ALDH3A1: variants seen among roughly 807,000 people sequenced by gnomAD.
ALDH3A1 encodes the protein aldehyde dehydrogenase, dimeric NADP-preferring.
A neutral mutation model predicts 49.9 loss-of-function variants in ALDH3A1; 46 were observed. The ratio of observed to expected loss-of-function variants is 0.92; its 90% confidence interval spans 0.73 to 1.18. The LOEUF (loss-of-function observed/expected upper bound fraction) is 1.18. ALDH3A1 is among the 50% of genes most tolerant of loss of function. The probability of loss-of-function intolerance (pLI) is 0.00; values close to 1 mark genes in which losing one functional copy is unlikely to be tolerated. For missense variants in ALDH3A1, 592 were observed against 611.8 expected, an observed-to-expected ratio of 0.97 and a Z score of 0.34; for synonymous variants, 269 against 253.3, an observed-to-expected ratio of 1.06 and a Z score of -0.59.
rs200102864 is a variant in ALDH3A1, at chr17:19,739,587, C to A, written c.1037G>T (p.Arg346Leu). ...FGPVLPIVCV[R>L]SLEEAIQFIN... ...GAACTGGATGGCCTCCTCCAGGCTG[C>A]GCACGCACACGATGGGCAGCACAGG... Residue 346 changes from arginine to leucine, a missense_variant, in exon 8 of 11, where the codon CGC becomes CTC. Coordinates refer to ENST00000225740, the MANE Select transcript of ALDH3A1 (RefSeq NM_000691.5). 5 of 1,613,652 alleles carry A rather than the reference C, an allele frequency of 3.1e-6. No homozygotes were observed. Among genetic ancestry groups the A allele is most frequent in the Non-Finnish European group, 4.2e-6 (5 of 1,179,924 alleles).
In ALDH3A1 at chr17:19,739,657, C is replaced by T. The variant is rs772923402; in HGVS notation, c.967G>A (p.Asp323Asn). Residue 323 changes from aspartate to asparagine, a missense_variant, in exon 8 of 11, where the codon GAC (aspartate) becomes AAC (asparagine). Physicochemically the swap from Asp to Asn is conservative, Grantham distance 23. Coordinates refer to ENST00000225740, the MANE Select transcript of ALDH3A1 (RefSeq NM_000691.5). ...ATCACCGGGGACTGGGGGTCCACGT[C>T]CGTGAGGATGGTGGGGGCTGAGGCA... ...TRYIAPTILTDVDPQSPVMQE... is the reference protein window; with the variant it reads ...TRYIAPTILTNVDPQSPVMQE... 1 of 1,613,768 alleles carries T rather than the reference C, an allele frequency of 6.2e-7. No homozygotes were observed. The highest frequency in any genetic ancestry group is 1.1e-5 in the South Asian group (1 of 91,008).
rs2086429156 is a variant in ALDH3A1 at position 19,738,470 on chromosome 17, A to C, written c.1217-17T>G. The C allele has an allele frequency of 6.2e-7, 1 of 1,602,510 alleles. No homozygotes were observed. Among genetic ancestry groups the C allele is most frequent in the Admixed American group, 1.7e-5 (1 of 59,846 alleles). ...CGCTGTTCCCTGCGGAGGAGAAGTA[A>C]GCACAGGGCTCAGCATCCTGCCCCC... On this transcript the variant is annotated splice_polypyrimidine_tract_variant and intron_variant, in intron 9 of 10. Transcript: ENST00000225740.
Position 19,743,080 on chromosome 17 carries a change from C to T in ALDH3A1, c.394+152G>A, listed in dbSNP as rs1482354210. The T allele has an allele frequency of 6.5e-7, 1 of 1,534,802 alleles. No homozygotes were observed. The highest frequency in any genetic ancestry group is 2.4e-5 in the East Asian group (1 of 40,878). On this transcript the variant is annotated intron_variant, in intron 3 of 10. Transcript: ENST00000225740. The surrounding 1 kb of genome is among the most constrained non-coding windows in gnomAD (Gnocchi z 4.4). ...GGACCTCAGGCACCAAGAGGCCTGGCTAAACAGCTTGGTCCCCACAGCCTC... is the reference window on the plus strand; with the variant it reads ...GGACCTCAGGCACCAAGAGGCCTGGTTAAACAGCTTGGTCCCCACAGCCTC...
intron 4 of ALDH3A1, 42 bp from the exon 5 acceptor site, chr17:19,742,254 C>G: frequency 6.3e-7 from 1 of 1,593,402 alleles, no homozygotes; most frequent in East Asian, 2.2e-5. Flanking sequence ...AAAGACCAAG[C>G]CCCTCCTCGC....
chr17:19,746,686 T>C (rs942374041), intron 1 of ALDH3A1, among the ~76,000 whole-genome samples: 55 of 139,942 alleles, frequency 3.9e-4, no homozygotes, highest in Non-Finnish European at 6.9e-4. Flanking sequence ...TGCATGTGCG[T>C]GTGTGTGTGC....
rs1008061322 is a variant in ALDH3A1, at chr17:19,744,747, G to C, written c.162+221C>G. 32 of 1,360,474 alleles carry C rather than the reference G, an allele frequency of 2.4e-5. No individual in the cohort carries two copies. In the African/African-American group the frequency reaches 4.9e-4, roughly 21 times the overall value. The allele number at this position is 1,360,474 out of a possible 1,614,324, so 84.3% of individuals were successfully genotyped here. Reference sequence around the variant, plus strand: ...TGGGGGACGCTGCGGGCGGGACGCGGAGGCCGGGCCAGGAGGAAAAGGCCA... The same window carrying C: ...TGGGGGACGCTGCGGGCGGGACGCGCAGGCCGGGCCAGGAGGAAAAGGCCA... On this transcript the variant is annotated intron_variant, in intron 2 of 10. Coordinates refer to ENST00000225740, the MANE Select transcript of ALDH3A1 (RefSeq NM_000691.5).
chr17:19,739,452 C>A, intron 8 of ALDH3A1, 56 bp downstream of exon 8: 1 of 1,561,062 alleles, frequency 6.4e-7, no homozygotes, highest in South Asian at 1.2e-5. Context: ...GCAGTTTGAA[C>A]CCAGGTCTGT....
In ALDH3A1 at chr17:19,742,094, G is replaced by A. The variant is rs2086503818; in HGVS notation, c.599C>T (p.Ala200Val). 6.2e-7 allele frequency: 1 copy of A among 1,614,038 alleles called. No homozygotes were observed. Among genetic ancestry groups the A allele is most frequent in the Admixed American group, 1.7e-5 (1 of 60,030 alleles). The change falls in exon 5 of 11, where the codon GCT (alanine) becomes GTT (valine). Residue 200 changes from alanine (A) to valine (V), a missense_variant. Ala to Val is a moderately conservative substitution (Grantham distance 64). Coordinates refer to ENST00000225740, the MANE Select transcript of ALDH3A1 (RefSeq NM_000691.5). ...CGTGACAGGGGTCAGGTGCTTGGCA[G>A]CAGCCGTCATGATGATCTTCCCCAC... ...TGVGKIIMTA[A>V]AKHLTPVTLE...
rs763351612 is a variant in ALDH3A1, at chr17:19,740,483, G to A, written c.808-6C>T. On this transcript the variant is annotated splice_region_variant and splice_polypyrimidine_tract_variant and intron_variant, in intron 6 of 10. Coordinates refer to ENST00000225740, the MANE Select transcript of ALDH3A1 (RefSeq NM_000691.5). The stretch of plus-strand genomic sequence containing the variant: ...GCATCTTCCCCGTAGAACTCCTGTG[G>A]AGAAGAGGTGGGGGCTTCGGGTAAG... The A allele has an allele frequency of 6.2e-7, 1 of 1,613,760 alleles. No homozygotes were observed. Among genetic ancestry groups the A allele is most frequent in the Non-Finnish European group, 8.5e-7 (1 of 1,179,978 alleles).
chr17:19,739,658 C>T lies in ALDH3A1; in HGVS notation c.966G>A (p.Thr322=), dbSNP rs1406940623. The T allele has an allele frequency of 8.7e-6, 14 of 1,613,578 alleles. No individual in the cohort carries two copies. The Admixed American group carries it at 1.0e-4, about 12-fold the overall frequency. Residue 322 remains threonine, a synonymous_variant, in exon 8 of 11, where the codon ACG becomes ACA. Coordinates refer to ENST00000225740, the MANE Select transcript of ALDH3A1 (RefSeq NM_000691.5). ...ATRYIAPTIL[T]DVDPQSPVMQ... The stretch of plus-strand genomic sequence containing the variant: ...TCACCGGGGACTGGGGGTCCACGTC[C>T]GTGAGGATGGTGGGGGCTGAGGCAG...
In ALDH3A1 at chr17:19,740,316, G is replaced by A; in HGVS notation, c.949+20C>T. ...CCTGCAGCCTGGGCAGGTGGGCTGT[G>A]CTCTTCAGGGGTCACGCACCTATGT... On this transcript the variant is annotated intron_variant, in intron 7 of 10. Transcript: ENST00000225740. 1 of 1,611,806 alleles carries A rather than the reference G, an allele frequency of 6.2e-7. No individual in the cohort carries two copies. Among genetic ancestry groups the A allele is most frequent in the Middle Eastern group, 1.7e-4 (1 of 6,058 alleles).
chr17:19,742,408 G>C (rs1037795605), intron 4 of ALDH3A1, 137 bp downstream of exon 4: 313 of 1,144,962 alleles, frequency 2.7e-4, no homozygotes, highest in Non-Finnish European at 3.8e-4. Context: ...AGAGAGGGCA[G>C]CTGCTAAGAA....
At position 19,742,038 on chromosome 17, in the gene ALDH3A1, C is replaced by A. The variant is rs774092621; in HGVS notation, c.655G>T (p.Val219Leu). The A allele has an allele frequency of 6.2e-7, 1 of 1,613,942 alleles. No homozygotes were observed. Among genetic ancestry groups the A allele is most frequent in the Non-Finnish European group, 8.5e-7 (1 of 1,180,014 alleles). Reference protein sequence around the residue: ...LELGGKSPCYVDKNCDLDVAC... With the variant: ...LELGGKSPCYLDKNCDLDVAC... ...ACGTCCAGGTCACAGTTCTTGTCCACGTAGCAGGGACTCTTCCCTCCCAGC... is the reference window on the plus strand; with the variant it reads ...ACGTCCAGGTCACAGTTCTTGTCCAAGTAGCAGGGACTCTTCCCTCCCAGC... Residue 219 changes from valine (V) to leucine (L), a missense_variant, in exon 5 of 11, where the codon GTG (valine) becomes TTG (leucine). Physicochemically the swap from Val to Leu is conservative, Grantham distance 32. Coordinates refer to ENST00000225740, the MANE Select transcript of ALDH3A1 (RefSeq NM_000691.5).
intron 2 of ALDH3A1, chr17:19,744,479 G>C: frequency 1.0e-6 from 1 of 985,400 alleles, no homozygotes; most frequent in Non-Finnish European, 1.2e-6. Flanking sequence ...GGGCTCCGGA[G>C]CGCTGGACCC....
chr17:19,741,862 T>C (rs1597668831), intron 5 of ALDH3A1, 142 bp downstream of exon 5: 1 of 807,118 alleles, frequency 1.2e-6, no homozygotes, highest in Non-Finnish European at 2.0e-6. Context: ...CCTACCCCCA[T>C]GTAAGTTTCT....
At position 19,742,225 on chromosome 17, in the gene ALDH3A1, G is replaced by A; in HGVS notation, c.481-13C>T. The A allele has an allele frequency of 6.2e-7, 1 of 1,612,778 alleles. No homozygotes were observed. Among genetic ancestry groups the A allele is most frequent in the Non-Finnish European group, 8.5e-7 (1 of 1,179,004 alleles). On this transcript the variant is annotated splice_polypyrimidine_tract_variant and intron_variant, in intron 4 of 10. Transcript: ENST00000225740. ...CTGGGTACAGATCCTTCCATGCAAG[G>A]AGAGAGGGGAGGCTCAGCAAAGACC... is the stretch of plus-strand genomic sequence containing the variant.
Position 19,739,582 on chromosome 17 carries a change from G to A in ALDH3A1, c.1042C>T (p.Leu348=), listed in dbSNP as rs747256411. 1 of 1,613,856 alleles carries A rather than the reference G, an allele frequency of 6.2e-7. No individual in the cohort carries two copies. ...PVLPIVCVRS[L]EEAIQFINQR... ...TTGATGAACTGGATGGCCTCCTCCA[G>A]GCTGCGCACGCACACGATGGGCAGC... Residue 348 remains leucine, a synonymous_variant, in exon 8 of 11, where the codon CTG becomes TTG. Transcript: ENST00000225740.
intron 5 of ALDH3A1, 110 bp from the exon 6 acceptor site, chr17:19,741,320 C>T (rs2086488162): frequency 4.4e-6 from 4 of 908,422 alleles, no homozygotes; most frequent in Non-Finnish European, 7.0e-6. Context: ...TGTGACCTTG[C>T]CACCAGTGAG....
At position 19,742,119 on chromosome 17, in the gene ALDH3A1, C is replaced by A. The variant is rs781507152; in HGVS notation, c.574G>T (p.Val192Leu). ...GCAGCCGTCATGATGATCTTCCCCA[C>A]CCCCGTGCTGCCCGTGTACAGGATA... ...DHILYTGSTG[V>L]GKIIMTAAAK... is the part of the protein sequence containing the mutation. Residue 192 changes from valine (V) to leucine (L), a missense_variant, in exon 5 of 11, where the codon GTG becomes TTG. Val to Leu is a conservative substitution (Grantham distance 32). Transcript: ENST00000225740. 4 of 1,614,006 alleles carry A rather than the reference C, an allele frequency of 2.5e-6. No individual in the cohort carries two copies. The highest frequency in any genetic ancestry group is 3.4e-6 in the Non-Finnish European group (4 of 1,180,018).
Sources: gnomAD v4.1 joint callset for allele counts (sites outside exome capture counted in the v4.1 genomes callset) on GRCh38, gnomAD v4.1.1 for gene constraint, Gnocchi (gnomAD v3.1) non-coding constraint, MANE v1.5 for transcripts, NCBI Gene and HGNC (gene_info 2026-07-23, HGNC 2026-07-21) for gene names.